DDX17: variants seen among roughly 807,000 people sequenced by gnomAD.
DDX17 encodes the protein probable ATP-dependent RNA helicase DDX17.
Under a neutral mutation model 80.8 loss-of-function variants are expected in DDX17, and 10 were observed. That is an observed-to-expected ratio of 0.12 (90% confidence interval 0.08 to 0.21). DDX17 has a LOEUF of 0.21. DDX17 is among the 10% of genes least tolerant of loss of function. The pLI is 1.00. For synonymous variants in DDX17, 339 were observed against 336.2 expected (o/e 1.01, Z -0.09); for missense variants, 586 against 957.4 (o/e 0.61, Z 5.12).
At chr22:38,498,645 T>C (rs2089793966) in intron 3 of DDX17, 72 bp from the exon 4 acceptor site, 1 of 1,525,092 alleles carries the variant, frequency 6.6e-7, no homozygotes, top group African/African-American at 1.4e-5. Context: ...AAAAAAACTT[T>C]TAAGCTCACT....
rs200580400 is a variant in DDX17, at chr22:38,494,677, G to A, written c.1167C>T (p.Asn389=). The stretch of plus-strand genomic sequence containing the variant: ...TGCAGACATCCACTATCTGGAGGAT[G>A]TTGTGGTTGGCACTCAACTCCAGAT... Residue 389 remains asparagine, a synonymous_variant, in exon 8 of 13, where the codon AAC becomes AAT. Transcript: ENST00000403230. The A allele has an allele frequency of 2.5e-6, 4 of 1,614,194 alleles. No individual in the cohort carries two copies. The highest frequency in any genetic ancestry group is 3.4e-6 in the Non-Finnish European group (4 of 1,180,028).
At chr22:38,502,019 C>CTG (rs1480658789) in intron 1 of DDX17, among the ~76,000 whole-genome samples, 1 of 152,240 alleles carries the variant, frequency 6.6e-6, no homozygotes, top group African/African-American at 2.4e-5. Context: ...CCCTATTAAA[C>CTG]TGTGATAAGC....
chr22:38,493,977 TTAAC>T (rs2089737300), intron 9 of DDX17, 40 bp downstream of exon 9: 2 of 1,486,390 alleles, frequency 1.3e-6, no homozygotes, highest in African/African-American at 2.8e-5. Flanking sequence ...AAATTTCCAG[TTAAC>T]TATAAAACCA....
chr22:38,490,683 A>C (rs926039304), intron 11 of DDX17: 1 of 294,700 alleles, frequency 3.4e-6, no homozygotes. Flanking sequence ...TATGAGGTAG[A>C]AGCCTTCACT....
intron 10 of DDX17, 84 bp downstream of exon 10, chr22:38,493,626 T>C: frequency 8.9e-7 from 1 of 1,121,218 alleles, no homozygotes; most frequent in Non-Finnish European, 1.3e-6. Context: ...ACAGAAAGTT[T>C]GCCTATCCCT....
intron 3 of DDX17, among the ~76,000 whole-genome samples, chr22:38,498,825 T>C (rs959242564): frequency 6.6e-6 from 1 of 152,176 alleles, no homozygotes; most frequent in Non-Finnish European, 1.5e-5. Context: ...CAGACCAGCC[T>C]GGTCAACATG....
intron 2 of DDX17, among the ~76,000 whole-genome samples, chr22:38,500,748 C>T (rs764123521): frequency 2.2e-5 from 3 of 134,968 alleles, no homozygotes; most frequent in Non-Finnish European, 3.1e-5. Context: ...ACCCAGGAGG[C>T]GGAGGTTGCA....
rs372734780 is a variant in DDX17, at chr22:38,495,053, A to C, written c.881-7T>G. The C allele has an allele frequency of 5.1e-5, 82 of 1,611,476 alleles. No homozygotes were observed. The highest frequency in any genetic ancestry group is 6.6e-5 in the Non-Finnish European group (78 of 1,179,134). ...GCTATGCAGATCTCAACACCTGTAA[A>C]ACAAAACCAATGATCGAGCCAATCG... On this transcript the variant is annotated splice_region_variant and splice_polypyrimidine_tract_variant and intron_variant, in intron 6 of 12. Transcript: ENST00000403230.
At position 38,485,800 on chromosome 22, in the gene DDX17, T is replaced by C. The variant is rs2089650282; in HGVS notation, c.*135A>G. Reference sequence around the variant, plus strand: ...ATCTGCATGAAAAGACAAATCACGATGGTTGGGGGGAAAAATTAAAAAAAA... The same window carrying C: ...ATCTGCATGAAAAGACAAATCACGACGGTTGGGGGGAAAAATTAAAAAAAA... On this transcript the variant is annotated 3_prime_UTR_variant, in exon 13 of 13. Coordinates refer to ENST00000403230, the MANE Select transcript of DDX17 (RefSeq NM_006386.5). 1 of 1,218,970 alleles carries C rather than the reference T, an allele frequency of 8.2e-7. No individual in the cohort carries two copies. The highest frequency in any genetic ancestry group is 1.8e-5 in the South Asian group (1 of 55,280). The allele number at this position is 1,218,970 out of a possible 1,614,324, so 75.5% of individuals were successfully genotyped here. A position where few individuals can be genotyped will look rare whatever the true frequency, so the allele number is the denominator to read the frequency against.
intron 11 of DDX17, 171 bp from the exon 12 acceptor site, chr22:38,488,286 TA>T (rs903851543): frequency 1.3e-5 from 20 of 1,508,678 alleles, no homozygotes; most frequent in Non-Finnish European, 1.8e-5. Context: ...CCCAACAGAG[TA>T]AAAGAGGATT....
rs1373162703 is a variant in DDX17, at chr22:38,485,953, A to AGGAGGG, written c.2166_2171dup (p.Pro725_Pro726dup). On this transcript the variant is annotated inframe_insertion, in exon 13 of 13. Coordinates refer to ENST00000403230, the MANE Select transcript of DDX17 (RefSeq NM_006386.5). ...AGTGGTTTCATTTACGTGAAGGAGGAGGAGGGGGAGGAGGAGGAGGGTATT... is the reference window on the plus strand; with the variant it reads ...AGTGGTTTCATTTACGTGAAGGAGGAGGAGGGGGAGGGGGAGGAGGAGGAGGGTATT... 1.2e-6 allele frequency: 2 copies of AGGAGGG among 1,613,154 alleles called. No individual in the cohort carries two copies. The highest frequency in any genetic ancestry group is 2.2e-5 in the East Asian group (1 of 44,844).
Position 38,506,157 on chromosome 22 carries a change from C to G in DDX17, c.81G>C (p.Ala27=). Reference sequence around the variant, plus strand: ...CTCGCTCCGACGCGCTGTCTCCCGTCGCAGACGCCACCGTCGCCGCCTCTC... The same window carrying G: ...CTCGCTCCGACGCGCTGTCTCCCGTGGCAGACGCCACCGTCGCCGCCTCTC... The change falls in exon 1 of 13, where the codon GCG becomes GCC. Residue 27 remains alanine (A), a synonymous_variant. Transcript: ENST00000403230. 3 of 1,589,156 alleles carry G rather than the reference C, an allele frequency of 1.9e-6. No homozygotes were observed. Among genetic ancestry groups the G allele is most frequent in the Non-Finnish European group, 2.6e-6 (3 of 1,169,426 alleles).
At chr22:38,487,825 A>C in intron 12 of DDX17, 54 bp downstream of exon 12, 1 of 1,593,096 alleles carries the variant, frequency 6.3e-7, no homozygotes, top group African/African-American at 1.3e-5. Flanking sequence ...AAGTCACAGA[A>C]GGCGTAAAGA....
chr22:38,485,829 AAG>A lies in DDX17; in HGVS notation c.*104_*105del. 1 of 1,401,880 alleles carries A rather than the reference AAG, an allele frequency of 7.1e-7. No homozygotes were observed. The highest frequency in any genetic ancestry group is 9.3e-7 in the Non-Finnish European group (1 of 1,077,518). The allele number at this position is 1,401,880 out of a possible 1,614,324, so 86.8% of individuals were successfully genotyped here. A position where few individuals can be genotyped will look rare whatever the true frequency, so the allele number is the denominator to read the frequency against. Reference sequence around the variant, plus strand: ...TGGGGGGAAAAATTAAAAAAAAAAAAAGAAAAAAGGAAAAAAAAAGAAAAGGC... The same window carrying A: ...TGGGGGGAAAAATTAAAAAAAAAAAAAAAAAAGGAAAAAAAAAGAAAAGGC... On this transcript the variant is annotated 3_prime_UTR_variant, in exon 13 of 13. Coordinates refer to ENST00000403230, the MANE Select transcript of DDX17 (RefSeq NM_006386.5).
chr22:38,505,844 C>G (rs1312687798), intron 1 of DDX17, 107 bp downstream of exon 1: 8 of 1,389,160 alleles, frequency 5.8e-6, no homozygotes, highest in Non-Finnish European at 7.7e-6. Context: ...CTCCCCTCGC[C>G]TCCCGGGTCG....
At chr22:38,500,240 T>C (rs1252943038) in intron 2 of DDX17, among the ~76,000 whole-genome samples, 1 of 149,812 alleles carries the variant, frequency 6.7e-6, no homozygotes, top group Non-Finnish European at 1.5e-5. Context: ...TAATATACAA[T>C]ATTTCAATCA....
chr22:38,501,341 A>G (rs926829799), intron 1 of DDX17, 61 bp from the exon 2 acceptor site: 39 of 1,531,674 alleles, frequency 2.5e-5, no homozygotes, highest in Non-Finnish European at 3.0e-5. Flanking sequence ...CGTACATGCC[A>G]TAAGAATATT....
intron 5 of DDX17, among the ~76,000 whole-genome samples, chr22:38,497,556 T>C (rs1219393837): frequency 1.5e-5 from 2 of 136,790 alleles, no homozygotes; most frequent in Non-Finnish European, 3.0e-5. Context: ...AGGCGGAGGT[T>C]GCAGTGAGCT....
intron 12 of DDX17, 76 bp downstream of exon 12, chr22:38,487,803 G>C: frequency 6.8e-7 from 1 of 1,479,484 alleles, no homozygotes; most frequent in South Asian, 1.1e-5. Context: ...CTTAAAAACA[G>C]CAACTAAAAG....
Sources: allele counts gnomAD v4.1 joint callset (sites outside exome capture counted in the v4.1 genomes callset), GRCh38; gene constraint gnomAD v4.1.1; transcripts MANE v1.5; gene names NCBI Gene and HGNC (gene_info 2026-07-23, HGNC 2026-07-21).